Variants in RBFOX1 observed in about 807,000 individuals in gnomAD.
The protein encoded by RBFOX1 is RNA binding fox-1 homolog 1, also known as RNA binding protein fox-1 homolog 1.
A neutral mutation model predicts 57.7 loss-of-function variants in RBFOX1; 8 were observed. That is an observed-to-expected ratio of 0.14 (90% CI 0.08 to 0.25). RBFOX1 has a LOEUF of 0.25. RBFOX1 is among the 10% of genes least tolerant of loss of function. The pLI, the probability that RBFOX1 is intolerant of heterozygous loss-of-function variation, is 1.00. For missense variants in RBFOX1, 611 were observed against 548.5 expected (o/e 1.11, Z -1.14); for synonymous variants, 326 against 222.4 (o/e 1.47, Z -4.15).
At chr16:6,540,619 A>G (rs897784399) in intron 2 of RBFOX1, among the ~76,000 whole-genome samples, 2 of 151,092 alleles carry the variant, frequency 1.3e-5, no homozygotes, top group African/African-American at 4.9e-5. Context: ...CTCAAAAAAA[A>G]AAAAAAAAAA....
intron 1 of RBFOX1, among the ~76,000 whole-genome samples, chr16:5,242,971 TG>T (rs1361863202): frequency 7.1e-5 from 7 of 98,016 alleles, no homozygotes; most frequent in Non-Finnish European, 1.4e-4. Flanking sequence ...CATGTGATTA[TG>T]GTGGGGACGT....
intron 1 of RBFOX1, among the ~76,000 whole-genome samples, chr16:6,283,431 A>T (rs533846877): frequency 2.0e-5 from 3 of 152,138 alleles, no homozygotes; most frequent in Admixed American, 2.0e-4. Flanking sequence ...TTTTTATCCC[A>T]GTCCTTCTCA....
chr16:6,018,655 T>C (rs1292438092), upstream of RBFOX1, among the ~76,000 whole-genome samples: 5 of 152,162 alleles, frequency 3.3e-5, no homozygotes, highest in Non-Finnish European at 7.3e-5. Context: ...GATCTCTGCC[T>C]GGCCGGAAGA....
chr16:6,118,991 G>T (rs2152624098), intron 1 of RBFOX1, among the ~76,000 whole-genome samples: 1 of 149,970 alleles, frequency 6.7e-6, no homozygotes, highest in African/African-American at 2.4e-5. Context: ...CCTCCAGTCT[G>T]TGAATCTGTG....
At chr16:7,219,147 G>A (rs952576371) in intron 4 of RBFOX1, among the ~76,000 whole-genome samples, 2 of 152,126 alleles carry the variant, frequency 1.3e-5, no homozygotes, top group Middle Eastern at 3.2e-3. Flanking sequence ...GCTCGGAGTA[G>A]CCTTGTTAAT....
chr16:7,167,718 G>A lies in RBFOX1; in HGVS notation c.27+115620G>A, dbSNP rs374095745. On this transcript the variant is annotated intron_variant, in intron 4 of 15. Coordinates refer to ENST00000550418, the MANE Select transcript of RBFOX1 (RefSeq NM_018723.4). ...GAGAGCCAAATCCAGCCTGACACCT[G>A]TTTTTGTAGATTTTATTGACAGAAA... 9.2e-5 allele frequency among the ~76,000 whole-genome samples: 14 copies of A among 152,318 alleles called. No individual in the cohort carries two copies. In the East Asian group the frequency reaches 2.3e-3, roughly 25 times the overall value.
chr16:7,503,262 G>A (rs1326394336), intron 4 of RBFOX1, among the ~76,000 whole-genome samples: 1 of 152,140 alleles, frequency 6.6e-6, no homozygotes. Context: ...ACCGTAGTCA[G>A]CAACGTTCAC....
intron 3 of RBFOX1, among the ~76,000 whole-genome samples, chr16:7,026,639 G>C (rs2041038632): frequency 4.6e-5 from 7 of 152,106 alleles, no homozygotes; most frequent in Admixed American, 4.6e-4. Flanking sequence ...GGGTCCCCTG[G>C]TCAGGATCCA....
intron 4 of RBFOX1, among the ~76,000 whole-genome samples, chr16:7,112,642 A>G (rs150402376): frequency 2.5e-3 from 339 of 136,544 alleles, no homozygotes; most frequent in Middle Eastern, 0.024. Context: ...GTTATCTTAA[A>G]TGCAGCCTCA....
intron 4 of RBFOX1, among the ~76,000 whole-genome samples, chr16:7,176,690 C>G (rs945575058): frequency 1.2e-4 from 19 of 152,024 alleles, no homozygotes; most frequent in Admixed American, 1.2e-3. Flanking sequence ...GATCCTTGTT[C>G]TAGGTATTGA....
In RBFOX1 at chr16:6,406,945, G is replaced by A. The variant is rs558859793; in HGVS notation, c.-64+89888G>A. On this transcript the variant is annotated intron_variant, in intron 2 of 15. Transcript: ENST00000550418. ...AAAAAACAAAACTCTGCTGCCCATC[G>A]GTAAAATGGGATTATGATCCTTGCC... Among the ~76,000 whole-genome samples, 4 of 152,254 alleles carry A rather than the reference G, an allele frequency of 2.6e-5. 1 individual carries two copies. The highest frequency in any genetic ancestry group is 4.2e-4 in the South Asian group (2 of 4,812).
chr16:6,334,285 A>C (rs1330954917), intron 2 of RBFOX1, among the ~76,000 whole-genome samples: 3 of 152,058 alleles, frequency 2.0e-5, no homozygotes, highest in Non-Finnish European at 4.4e-5. Flanking sequence ...AGGTGGGCAG[A>C]TTTCCTGAGC....
At chr16:5,392,489 C>T (rs1301316692) in intron 1 of RBFOX1, among the ~76,000 whole-genome samples, 1 of 151,250 alleles carries the variant, frequency 6.6e-6, no homozygotes, top group Admixed American at 6.6e-5. Flanking sequence ...TCTGTCTACC[C>T]AATGTGGGAT....
chr16:5,302,875 G>A (rs1357099806), intron 1 of RBFOX1, among the ~76,000 whole-genome samples: 1 of 151,912 alleles, frequency 6.6e-6, no homozygotes, highest in East Asian at 1.9e-4. Context: ...GCTTTTTTTG[G>A]TTTAATTTGT....
intron 1 of RBFOX1, among the ~76,000 whole-genome samples, chr16:5,405,765 G>A (rs1173705935): frequency 6.6e-6 from 1 of 152,126 alleles, no homozygotes; most frequent in Non-Finnish European, 1.5e-5. Context: ...CTTTCCCTTG[G>A]CCAGTGATTG....
chr16:5,728,842 A>C (rs1043932704), intron 3 of RBFOX1, among the ~76,000 whole-genome samples: 1 of 152,068 alleles, frequency 6.6e-6, no homozygotes, highest in African/African-American at 2.4e-5. Context: ...TTCCAAGATC[A>C]CCTTTAAGTC....
chr16:7,164,455 AT>A (rs2079021029), intron 4 of RBFOX1, among the ~76,000 whole-genome samples: 5 of 152,124 alleles, frequency 3.3e-5, no homozygotes, highest in Admixed American at 3.3e-4. Context: ...TTGTATAGTG[AT>A]TTCTTTTCCT....
At chr16:6,118,638 C>T (rs1439944228) in intron 1 of RBFOX1, among the ~76,000 whole-genome samples, 2 of 151,546 alleles carry the variant, frequency 1.3e-5, no homozygotes, top group Non-Finnish European at 2.9e-5. Flanking sequence ...CTCTCTCCCT[C>T]TCTTTCTTTC....
At chr16:7,710,596 C>A (rs2083867784) in intron 15 of RBFOX1, 27 bp from the exon 16 acceptor site, 1 of 1,609,608 alleles carries the variant, frequency 6.2e-7, no homozygotes, top group Non-Finnish European at 8.5e-7. Context: ...ATGTAAAAAA[C>A]ACACCCCTCA....
Sources: allele counts gnomAD v4.1 joint callset (sites outside exome capture counted in the v4.1 genomes callset), GRCh38; gene constraint gnomAD v4.1.1; transcripts MANE v1.5; gene names NCBI Gene and HGNC (gene_info 2026-07-23, HGNC 2026-07-21).